Variants in NR2C2 observed in about 807,000 individuals in gnomAD.
NR2C2 encodes Nuclear hormone receptor TR4.
A neutral mutation model predicts 62.9 loss-of-function variants in NR2C2; 6 were observed. That is an observed-to-expected ratio of 0.10 (90% CI 0.05 to 0.19). NR2C2 has a LOEUF of 0.19. Ranked by LOEUF, NR2C2 falls within the 10% of genes least tolerant of loss-of-function variation. The probability of loss-of-function intolerance (pLI) is 1.00; values close to 1 mark genes in which losing one functional copy is unlikely to be tolerated. For missense variants in NR2C2, 479 were observed against 762.7 expected (o/e 0.63, Z 4.38); for synonymous variants, 272 against 273.8 (o/e 0.99, Z 0.07).
At position 15,030,374 on chromosome 3, in the gene NR2C2, C is replaced by T. The variant is rs1282896994; in HGVS notation, c.1032C>T (p.His344=). ...GIDTSGGGSI[H]VISRDQSTPI... Reference sequence around the variant, plus strand: ...ACACCAGTGGAGGAGGGAGCATCCACGTCATCAGCAGAGACCAGTCGACAC... The same window carrying T: ...ACACCAGTGGAGGAGGGAGCATCCATGTCATCAGCAGAGACCAGTCGACAC... The change falls in exon 9 of 14, where the codon CAC becomes CAT. Residue 344 remains histidine, a synonymous_variant. Transcript: ENST00000425241. 8 of 1,613,536 alleles carry T rather than the reference C, an allele frequency of 5.0e-6. No homozygotes were observed. Among genetic ancestry groups the T allele is most frequent in the Admixed American group, 3.3e-5 (2 of 59,814 alleles).
intron 1 of NR2C2, among the ~76,000 whole-genome samples, chr3:14,985,197 A>G (rs758953638): frequency 3.3e-5 from 5 of 152,044 alleles, no homozygotes; most frequent in African/African-American, 9.7e-5. Context: ...TGTATGAGCT[A>G]TATGGTTTGC....
Position 15,041,563 on chromosome 3 carries a change from C to T in NR2C2, c.1617-1271C>T, listed in dbSNP as rs1651912540. Among the ~76,000 whole-genome samples, 7 of 152,332 alleles carry T rather than the reference C, an allele frequency of 4.6e-5. No individual in the cohort carries two copies. In the South Asian group the frequency reaches 1.2e-3, roughly 27 times the overall value. On this transcript the variant is annotated intron_variant, in intron 13 of 13. Coordinates refer to ENST00000425241, the MANE Select transcript of NR2C2 (RefSeq NM_001291694.2). ...GAAAAAGAAAACTTTTTAAAAAGCA[C>T]TATCCAGGGGCAGGGCGTGGTGACT...
In NR2C2 at chr3:14,947,765, C is replaced by T. The variant is rs2039163710; in HGVS notation, c.-181C>T. 6.7e-6 allele frequency: 1 copy of T among 149,786 alleles called. No homozygotes were observed. The allele number at this position is 149,786 out of a possible 1,614,324, so 9.3% of individuals were successfully genotyped here. A position where few individuals can be genotyped will look rare whatever the true frequency, so the allele number is the denominator to read the frequency against. On this transcript the variant is annotated 5_prime_UTR_variant, in exon 1 of 14. Transcript: ENST00000425241. ...TCGGCGTCTCGTCTCTCGCCCGCTG[C>T]CCCGCGAGCCCGCGGCCCCCGGGCT...
At chr3:15,023,377 C>G (rs1478813376) in intron 6 of NR2C2, 30 bp downstream of exon 6, 1 of 1,611,800 alleles carries the variant, frequency 6.2e-7, no homozygotes, top group African/African-American at 1.3e-5. Context: ...TGCAATCAGC[C>G]TTTGCAGCTG....
In NR2C2 at chr3:15,042,910, G is replaced by A; in HGVS notation, c.1693G>A (p.Gly565Ser). 5 of 1,613,950 alleles carry A rather than the reference G, an allele frequency of 3.1e-6. No individual in the cohort carries two copies. The highest frequency in any genetic ancestry group is 4.2e-6 in the Non-Finnish European group (5 of 1,179,974). Residue 565 changes from glycine to serine, a missense_variant, in exon 14 of 14, where the codon GGT becomes AGT. Transcript: ENST00000425241. ...SNITEELFFT[G>S]LIGNVSIDSI... is the part of the protein sequence containing the mutation. ...CATAACAGAAGAACTTTTTTTTACTGGTCTCATTGGCAATGTTTCGATAGA... is the reference window on the plus strand; with the variant it reads ...CATAACAGAAGAACTTTTTTTTACTAGTCTCATTGGCAATGTTTCGATAGA...
intron 1 of NR2C2, among the ~76,000 whole-genome samples, chr3:15,002,406 GC>G (rs2041033610): frequency 6.6e-6 from 1 of 152,008 alleles, no homozygotes; most frequent in Non-Finnish European, 1.5e-5. Context: ...GAACAAGCTT[GC>G]TTTCCTGGGA....
chr3:15,014,389 C>T (rs2041442734), intron 3 of NR2C2, among the ~76,000 whole-genome samples: 1 of 152,034 alleles, frequency 6.6e-6, no homozygotes, highest in South Asian at 2.1e-4. Context: ...ATCTCCAAAC[C>T]CAACAATTAG....
intron 1 of NR2C2, among the ~76,000 whole-genome samples, chr3:14,976,690 A>G (rs924679713): frequency 9.9e-5 from 14 of 142,078 alleles, no homozygotes; most frequent in Admixed American, 1.5e-4. Flanking sequence ...CAAAAATCTT[A>G]TATGTCTGAA....
rs2042339526 is a variant in NR2C2 at position 15,043,367 on chromosome 3, T to G, written c.*359T>G. ...TGAGAGAATAGTATGTGTGTATATA[T>G]ATATATAAAAAAGTCCTTGGAATTA... On this transcript the variant is annotated 3_prime_UTR_variant, in exon 14 of 14. Transcript: ENST00000425241. 1 of 157,080 alleles carries G rather than the reference T, an allele frequency of 6.4e-6. No homozygotes were observed. The highest frequency in any genetic ancestry group is 2.4e-5 in the African/African-American group (1 of 41,658). 9.7% of individuals were successfully genotyped at this position (157,080 alleles called of 1,614,324 possible). A position where few individuals can be genotyped will look rare whatever the true frequency, so the allele number is the denominator to read the frequency against.
intron 1 of NR2C2, among the ~76,000 whole-genome samples, chr3:14,962,241 G>A (rs2039707378): frequency 6.6e-6 from 1 of 152,248 alleles, no homozygotes; most frequent in Non-Finnish European, 1.5e-5. Context: ...ACCTGTAACT[G>A]AAGGAGGCGG....
At chr3:14,976,184 A>T (rs1190935478) in intron 1 of NR2C2, among the ~76,000 whole-genome samples, 2 of 152,168 alleles carry the variant, frequency 1.3e-5, no homozygotes. Context: ...TCATAGTACT[A>T]GTTTATAATC....
At chr3:14,997,216 T>G (rs1036775379) in intron 1 of NR2C2, among the ~76,000 whole-genome samples, 3 of 152,092 alleles carry the variant, frequency 2.0e-5, no homozygotes, top group Non-Finnish European at 4.4e-5. Context: ...AGTCACATGC[T>G]GTACAGGTTT....
At chr3:15,023,653 C>G (rs2125030910) in intron 6 of NR2C2, among the ~76,000 whole-genome samples, 1 of 152,320 alleles carries the variant, frequency 6.6e-6, no homozygotes, top group Admixed American at 6.5e-5. Context: ...GCAGTACACA[C>G]AAAAGGCCCA....
chr3:14,970,112 A>G (rs1432585438), intron 1 of NR2C2, among the ~76,000 whole-genome samples: 1 of 152,208 alleles, frequency 6.6e-6, no homozygotes, highest in African/African-American at 2.4e-5. Flanking sequence ...AGCAGAAAAC[A>G]GCAGGTTTCT....
At chr3:15,007,106 A>G (rs1216634869) in intron 2 of NR2C2, among the ~76,000 whole-genome samples, 2 of 143,444 alleles carry the variant, frequency 1.4e-5, no homozygotes, top group East Asian at 4.2e-4. Flanking sequence ...TCACCTTGTC[A>G]CAGAGGTTTT....
intron 1 of NR2C2, among the ~76,000 whole-genome samples, chr3:14,964,870 T>C (rs1049989455): frequency 7.2e-5 from 11 of 152,168 alleles, no homozygotes; most frequent in African/African-American, 2.4e-4. Flanking sequence ...AACCCACTTA[T>C]TCCAGTTCAG....
chr3:15,044,250 T>G lies in NR2C2; in HGVS notation c.*1242T>G, dbSNP rs1489324116. 1 of 152,148 alleles carries G rather than the reference T, an allele frequency of 6.6e-6. No individual in the cohort carries two copies. The highest frequency in any genetic ancestry group is 2.4e-5 in the African/African-American group (1 of 41,422). The allele number at this position is 152,148 out of a possible 1,614,324, so 9.4% of individuals were successfully genotyped here. A position where few individuals can be genotyped will look rare whatever the true frequency, so the allele number is the denominator to read the frequency against. On this transcript the variant is annotated 3_prime_UTR_variant, in exon 14 of 14. Transcript: ENST00000425241. The stretch of plus-strand genomic sequence containing the variant: ...TTAAATACCAGAGATTTTAAAAATG[T>G]GTATAGACTCAGCATCTCTGTTGGC...
rs2042499726 is a variant in NR2C2 at position 15,047,553 on chromosome 3, G to A, written c.*4545G>A. The stretch of plus-strand genomic sequence containing the variant: ...GAGTAGCCCAGAGACAGGCGTCACG[G>A]TCAGAGATTCAGAACGGTCTGTGTC... On this transcript the variant is annotated 3_prime_UTR_variant, in exon 14 of 14. Transcript: ENST00000425241. 6.6e-6 allele frequency: 1 copy of A among 152,220 alleles called. No homozygotes were observed. The highest frequency in any genetic ancestry group is 6.5e-5 in the Admixed American group (1 of 15,280). 9.4% of individuals were successfully genotyped at this position (152,220 alleles called of 1,614,324 possible).
chr3:15,002,645 CTTTTTTTTTTTTTTT>C (rs371981775), intron 1 of NR2C2, among the ~76,000 whole-genome samples: 3,165 of 39,722 alleles, frequency 0.08, 212 homozygotes, highest in African/African-American at 0.25. Context: ...TCACAATATA[CTTTTTTTTTTTTTTT>C]TTTTTTTTTT....
Sources: allele counts gnomAD v4.1 joint callset (sites outside exome capture counted in the v4.1 genomes callset), GRCh38; gene constraint gnomAD v4.1.1; transcripts MANE v1.5; gene names NCBI Gene and HGNC (gene_info 2026-07-23, HGNC 2026-07-21).